The following EML6 variants were observed in gnomAD, a reference collection of about 807,000 sequenced individuals.
The protein encoded by EML6 is echinoderm microtubule-associated protein-like 6.
EML6 carries 154 observed loss-of-function variants against 240.1 expected under a neutral mutation model. The ratio of observed to expected loss-of-function variants is 0.64; its 90% confidence interval spans 0.56 to 0.73. EML6 has a LOEUF of 0.73. Among genes scored for constraint, EML6 ranks in the 30% least tolerant of loss-of-function variants. The pLI is 0.00. For synonymous variants in EML6, 1,148 were observed against 899.0 expected, an observed-to-expected ratio of 1.28 and a Z score of -4.95; for missense variants, 2,964 against 2,474.6, an observed-to-expected ratio of 1.20 and a Z score of -4.20.
At chr2:54,803,495 G>A (rs1254631184) in intron 2 of EML6, among the ~76,000 whole-genome samples, 1 of 152,076 alleles carries the variant, frequency 6.6e-6, no homozygotes, top group Non-Finnish European at 1.5e-5. Flanking sequence ...AGCCCCTTTT[G>A]TTTGTTGTCA....
At chr2:54,897,642 A>C (rs1174193277) in intron 21 of EML6, among the ~76,000 whole-genome samples, 1 of 151,516 alleles carries the variant, frequency 6.6e-6, no homozygotes, top group Admixed American at 6.6e-5. Context: ...TGGAAGCTTC[A>C]GACCAGATGT....
Position 54,843,915 on chromosome 2 carries a change from T to C in EML6, c.848-132T>C, listed in dbSNP as rs1489230100. ...TCTCTGCCTCCAAGAGTCTTTAAGA[T>C]GTGTCACATTTGATGGTATCCTGGT... On this transcript the variant is annotated intron_variant, in intron 7 of 41. Transcript: ENST00000356458. The C allele has an allele frequency of 5.8e-6, 4 of 689,746 alleles. No homozygotes were observed. The Admixed American group carries it at 9.0e-5, about 16-fold the overall frequency. The allele number at this position is 689,746 out of a possible 1,614,324, so 42.7% of individuals were successfully genotyped here.
intron 2 of EML6, among the ~76,000 whole-genome samples, chr2:54,785,729 G>A (rs1669053120): frequency 6.6e-6 from 1 of 152,030 alleles, no homozygotes; most frequent in Non-Finnish European, 1.5e-5. Context: ...AAATAGACCA[G>A]TGTTTACATA....
At chr2:54,959,062 T>C (rs897286795) in intron 33 of EML6, 42 bp from the exon 34 acceptor site, 3 of 1,519,334 alleles carry the variant, frequency 2.0e-6, no homozygotes, top group Non-Finnish European at 1.8e-6. Flanking sequence ...AGGGACCCGC[T>C]TGAGTGTGTT....
At chr2:54,869,128 C>A in intron 14 of EML6, 53 bp from the exon 15 acceptor site, 1 of 1,250,542 alleles carries the variant, frequency 8.0e-7, no homozygotes, top group Non-Finnish European at 1.1e-6. Context: ...CCTCCTGCTC[C>A]ATGCATTTGC....
chr2:54,811,693 A>G (rs2631837), intron 2 of EML6, among the ~76,000 whole-genome samples: 133,906 of 152,202 alleles, frequency 0.88, 59,067 homozygotes, highest in African/African-American at 0.93. Flanking sequence ...AGGGTTTTCA[A>G]ACTGCTTCCA....
At chr2:54,726,892 A>C (rs1475196938) in intron 2 of EML6, among the ~76,000 whole-genome samples, 1 of 152,132 alleles carries the variant, frequency 6.6e-6, no homozygotes, top group Non-Finnish European at 1.5e-5. Context: ...TTAAACAGAA[A>C]ATTCTCTGTG....
In EML6 at chr2:54,802,656, A is replaced by ACTG. The variant is rs1163527796; in HGVS notation, c.198-10574_198-10573insGCT. ...TACTACTACTACTACTACTACTACT[A>ACTG]CTACTACTACTGCTACTACTACTAC... is the stretch of plus-strand genomic sequence containing the variant. On this transcript the variant is annotated intron_variant, in intron 2 of 41. Transcript: ENST00000356458. 4.5e-3 allele frequency among the ~76,000 whole-genome samples: 569 copies of ACTG among 127,814 alleles called. 3 individuals are homozygous for ACTG. Among genetic ancestry groups the ACTG allele is most frequent in the African/African-American group, 0.013 (477 of 36,826 alleles). The allele number at this position is 127,814 out of a possible 152,430, so 83.9% of individuals were successfully genotyped here.
chr2:54,903,545 A>G, intron 24 of EML6, 43 bp downstream of exon 24: 2 of 1,517,992 alleles, frequency 1.3e-6, no homozygotes, highest in South Asian at 1.3e-5. Context: ...TCTGTGTTTA[A>G]AAAATGTCCA....
At chr2:54,921,340 A>G (rs1674240078) in intron 26 of EML6, among the ~76,000 whole-genome samples, 1 of 152,152 alleles carries the variant, frequency 6.6e-6, no homozygotes, top group Non-Finnish European at 1.5e-5. Context: ...CATCAAGACA[A>G]ATAAAATGTT....
chr2:54,907,946 AAGAT>A (rs11267419), intron 24 of EML6, among the ~76,000 whole-genome samples: 2,554 of 37,446 alleles, frequency 0.068, 40 homozygotes, highest in Middle Eastern at 0.1. Flanking sequence ...ATAGATAGAT[AAGAT>A]AGATAGATAG....
chr2:54,948,838 C>T (rs1361396883), intron 28 of EML6, 44 bp from the exon 29 acceptor site: 3 of 1,468,624 alleles, frequency 2.0e-6, no homozygotes, highest in Non-Finnish European at 2.8e-6. Context: ...AGCCTTGCAG[C>T]CCTTGTTCAA....
Position 54,964,711 on chromosome 2 carries a change from C to T in EML6, c.5471C>T (p.Ser1824Phe). Reference sequence around the variant, plus strand: ...AGCTTTGTCATTCAGATGGATTTTTCTGCGGATGGCAAATACATTCAGGTA... The same window carrying T: ...AGCTTTGTCATTCAGATGGATTTTTTTGCGGATGGCAAATACATTCAGGTA... The part of the protein sequence containing the change: ...IPSFVIQMDF[S>F]ADGKYIQVST... The change falls in exon 38 of 42, where the codon TCT becomes TTT. Residue 1824 changes from serine (S) to phenylalanine (F), a missense_variant. Coordinates refer to ENST00000356458, the MANE Select transcript of EML6 (RefSeq NM_001039753.4). 2 of 1,551,962 alleles carry T rather than the reference C, an allele frequency of 1.3e-6. No homozygotes were observed. Among genetic ancestry groups the T allele is most frequent in the Non-Finnish European group, 1.7e-6 (2 of 1,147,062 alleles).
chr2:54,740,268 C>G lies in EML6; in HGVS notation c.197+15010C>G, dbSNP rs1209209578. Among the ~76,000 whole-genome samples the G allele has an allele frequency of 2.0e-5, 3 of 152,002 alleles. No individual in the cohort carries two copies. In the East Asian group the frequency reaches 5.8e-4, roughly 29 times the overall value. On this transcript the variant is annotated intron_variant, in intron 2 of 41. Coordinates refer to ENST00000356458, the MANE Select transcript of EML6 (RefSeq NM_001039753.4). ...CCAGGGTCAGGACTTTGAGAAAGAT[C>G]AACTTTTTAGAAACCAGCAGATAAA...
At chr2:54,943,960 T>C (rs763753904) in intron 28 of EML6, among the ~76,000 whole-genome samples, 3 of 152,156 alleles carry the variant, frequency 2.0e-5, no homozygotes, top group Non-Finnish European at 2.9e-5. Flanking sequence ...ATAAACGTTC[T>C]TCTCTCGCCT....
At chr2:54,907,946 A>AGATAGATAAGAT (rs1202900130) in intron 24 of EML6, among the ~76,000 whole-genome samples, 11 of 38,032 alleles carry the variant, frequency 2.9e-4, no homozygotes, top group South Asian at 8.2e-4. Flanking sequence ...ATAGATAGAT[A>AGATAGATAAGAT]AGATAGATAG....
At chr2:54,874,252 A>C (rs1369378393) in intron 16 of EML6, among the ~76,000 whole-genome samples, 1 of 152,168 alleles carries the variant, frequency 6.6e-6, no homozygotes, top group Non-Finnish European at 1.5e-5. Context: ...TATTAGTTTT[A>C]TAGAAGAAAG....
In EML6 at chr2:54,876,935, C is replaced by T. The variant is rs544501615; in HGVS notation, c.2345-2612C>T. Among the ~76,000 whole-genome samples the T allele has an allele frequency of 2.4e-3, 372 of 152,148 alleles. 1 individual carries two copies. The highest frequency in any genetic ancestry group is 6.8e-3 in the Middle Eastern group (2 of 294). Reference sequence around the variant, plus strand: ...ATGTAATATAACACCAGAACTTACTCTTCCTAACTGTAGCTTTGTACTCAC... The same window carrying T: ...ATGTAATATAACACCAGAACTTACTTTTCCTAACTGTAGCTTTGTACTCAC... On this transcript the variant is annotated intron_variant, in intron 16 of 41. Transcript: ENST00000356458.
At chr2:54,838,441 C>T (rs987618088) in intron 7 of EML6, among the ~76,000 whole-genome samples, 7 of 152,182 alleles carry the variant, frequency 4.6e-5, no homozygotes, top group African/African-American at 1.4e-4. Context: ...TGACTAAATA[C>T]CTTACCATGT....
Sources: gnomAD v4.1 joint callset for allele counts (sites outside exome capture counted in the v4.1 genomes callset) on GRCh38, gnomAD v4.1.1 for gene constraint, MANE v1.5 for transcripts, NCBI Gene and HGNC (gene_info 2026-07-23, HGNC 2026-07-21) for gene names.